The following FHIT variants were observed in gnomAD, a reference collection of about 807,000 sequenced individuals.
FHIT encodes the protein fragile histidine triad diadenosine triphosphatase, also known as bis(5'-adenosyl)-triphosphatase.
A neutral mutation model predicts 17.9 loss-of-function variants in FHIT; 19 were observed. The ratio of observed to expected loss-of-function variants is 1.06; its 90% CI spans 0.74 to 1.56. The LOEUF (loss-of-function observed/expected upper bound fraction) is 1.56, where lower values mean the gene tolerates loss of function less well. FHIT is among the 40% of genes most tolerant of loss of function. The pLI is 0.00. For missense variants in FHIT, 248 were observed against 189.2 expected, an observed-to-expected ratio of 1.31 and a Z score of -1.82; for synonymous variants, 81 against 69.7, an observed-to-expected ratio of 1.16 and a Z score of -0.81.
chr3:60,193,874 A>G (rs143157682), intron 5 of FHIT, among the ~76,000 whole-genome samples: 11 of 152,304 alleles, frequency 7.2e-5, no homozygotes, highest in African/African-American at 2.6e-4. Context: ...CATCCCAGGA[A>G]AAGAGGTGTT....
chr3:60,070,109 C>T (rs1207788078), intron 5 of FHIT, among the ~76,000 whole-genome samples: 2 of 152,134 alleles, frequency 1.3e-5, no homozygotes, highest in South Asian at 2.1e-4. Context: ...CAATGACCAA[C>T]TTGGTGGCCA....
chr3:61,161,345 G>A (rs1352698330), intron 2 of FHIT, among the ~76,000 whole-genome samples: 2 of 151,936 alleles, frequency 1.3e-5, no homozygotes, highest in Non-Finnish European at 2.9e-5. Context: ...GGGACTACAG[G>A]TGCATGCCAC....
chr3:60,258,259 C>T (rs1468264928), intron 5 of FHIT, among the ~76,000 whole-genome samples: 1 of 152,146 alleles, frequency 6.6e-6, no homozygotes, highest in African/African-American at 2.4e-5. Flanking sequence ...CAACGTTCAA[C>T]TTTACCTGAG....
intron 5 of FHIT, among the ~76,000 whole-genome samples, chr3:60,449,105 G>T (rs781329853): frequency 6.6e-6 from 1 of 152,114 alleles, no homozygotes; most frequent in African/African-American, 2.4e-5. Context: ...CCCAGAATGC[G>T]GCTGTTAACT....
intron 5 of FHIT, among the ~76,000 whole-genome samples, chr3:60,142,152 G>A (rs764843772): frequency 1.4e-4 from 21 of 152,286 alleles, no homozygotes; most frequent in Middle Eastern, 3.4e-3. Flanking sequence ...GGTCAAGAAT[G>A]TAAGATCTAA....
At chr3:59,752,998 A>ACTCTTCTAATTTT (rs1157157463) in intron 8 of FHIT, among the ~76,000 whole-genome samples, 1 of 151,980 alleles carries the variant, frequency 6.6e-6, no homozygotes, top group African/African-American at 2.4e-5. Flanking sequence ...TCTCCCCCAC[A>ACTCTTCTAATTTT]CTCTTCTAAT....
chr3:60,330,542 A>C (rs1037127405), intron 5 of FHIT, among the ~76,000 whole-genome samples: 1 of 152,192 alleles, frequency 6.6e-6, no homozygotes, highest in Non-Finnish European at 1.5e-5. Flanking sequence ...CACGAAACTC[A>C]GCACCTGTTT....
chr3:61,118,408 T>TGTAG (rs1553846724), intron 2 of FHIT, among the ~76,000 whole-genome samples: 2 of 151,586 alleles, frequency 1.3e-5, no homozygotes, highest in African/African-American at 4.9e-5. Context: ...TTTTTGGAGC[T>TGTAG]GTAACGAAAG....
At chr3:61,121,902 GA>G (rs1386886577) in intron 2 of FHIT, among the ~76,000 whole-genome samples, 1 of 151,742 alleles carries the variant, frequency 6.6e-6, no homozygotes, top group Non-Finnish European at 1.5e-5. Context: ...CAAGCAAATG[GA>G]AAGCAAAAAA....
intron 4 of FHIT, among the ~76,000 whole-genome samples, chr3:60,754,123 T>A (rs1394639118): frequency 6.6e-6 from 1 of 152,198 alleles, no homozygotes; most frequent in African/African-American, 2.4e-5. Context: ...ACAAGGGATC[T>A]GGCCTTACCA....
In FHIT at chr3:60,969,964, A is replaced by T. The variant is rs371150572; in HGVS notation, c.-111+72083T>A. Among the ~76,000 whole-genome samples, 5 of 152,114 alleles carry T rather than the reference A, an allele frequency of 3.3e-5. No individual in the cohort carries two copies. The East Asian group carries it at 9.7e-4, about 29-fold the overall frequency. Reference sequence around the variant, plus strand: ...ACTGCAACCTCTGCCTCCCAGGCTCAAGTGATCCTCCCACCTCAGCCTTCT... The same window carrying T: ...ACTGCAACCTCTGCCTCCCAGGCTCTAGTGATCCTCCCACCTCAGCCTTCT... On this transcript the variant is annotated intron_variant, in intron 3 of 9. Transcript: ENST00000492590.
At chr3:60,372,464 C>CTA (rs1438343431) in intron 5 of FHIT, among the ~76,000 whole-genome samples, 1 of 152,190 alleles carries the variant, frequency 6.6e-6, no homozygotes. Context: ...CTGCTTATCT[C>CTA]TATCTCATTG....
intron 8 of FHIT, among the ~76,000 whole-genome samples, chr3:59,916,031 A>G (rs1705119872): frequency 6.6e-6 from 1 of 152,150 alleles, no homozygotes; most frequent in Admixed American, 6.5e-5. Flanking sequence ...TGAAGGATGC[A>G]AAGTATTGTT....
At chr3:60,891,425 C>T (rs573706367) in intron 3 of FHIT, among the ~76,000 whole-genome samples, 30 of 152,118 alleles carry the variant, frequency 2.0e-4, no homozygotes, top group Non-Finnish European at 3.4e-4. Context: ...CTCACCAATA[C>T]TATTGGAAAT....
intron 2 of FHIT, among the ~76,000 whole-genome samples, chr3:61,186,302 C>G (rs2038506677): frequency 6.6e-6 from 1 of 152,186 alleles, no homozygotes; most frequent in Non-Finnish European, 1.5e-5. Flanking sequence ...CTCTCCCAGT[C>G]CTGCCAAGCA....
chr3:60,023,529 A>G (rs1438930418), intron 5 of FHIT, among the ~76,000 whole-genome samples: 2 of 152,212 alleles, frequency 1.3e-5, no homozygotes, highest in Non-Finnish European at 2.9e-5. Context: ...TTAAGAGACT[A>G]AAAATTCCAG....
At chr3:60,351,197 C>G (rs1341304531) in intron 5 of FHIT, among the ~76,000 whole-genome samples, 1 of 152,200 alleles carries the variant, frequency 6.6e-6, no homozygotes, top group Non-Finnish European at 1.5e-5. Context: ...ATAGCGACAG[C>G]AAACTAATAC....
At chr3:60,145,325 T>C (rs1254216094) in intron 5 of FHIT, among the ~76,000 whole-genome samples, 1 of 152,210 alleles carries the variant, frequency 6.6e-6, no homozygotes, top group African/African-American at 2.4e-5. Context: ...TATATGTAAA[T>C]TATGTACAAG....
Position 61,106,455 on chromosome 3 carries a change from T to A in FHIT, c.-163-64356A>T, listed in dbSNP as rs1039150878. ...TGTATGTTTTACCAGCATCTCCCTA[T>A]TCCCCCACCTCCTCCCAGCCCTTGG... On this transcript the variant is annotated intron_variant, in intron 2 of 9. Coordinates refer to ENST00000492590, the MANE Select transcript of FHIT (RefSeq NM_002012.4). Among the ~76,000 whole-genome samples the A allele has an allele frequency of 1.2e-4, 18 of 152,212 alleles. No homozygotes were observed. The East Asian group carries it at 2.7e-3, about 23-fold the overall frequency.
Sources: allele counts gnomAD v4.1 joint callset (sites outside exome capture counted in the v4.1 genomes callset), GRCh38; gene constraint gnomAD v4.1.1; transcripts MANE v1.5; gene names NCBI Gene and HGNC (gene_info 2026-07-23, HGNC 2026-07-21).